Variants in OSBPL8 observed in about 807,000 individuals in gnomAD.
The protein encoded by OSBPL8 is oxysterol binding protein like 8.
In OSBPL8, 59 loss-of-function variants were observed where a neutral mutation model predicts 125.5. The observed-to-expected ratio is 0.47, with a 90% CI of 0.38 to 0.58. The LOEUF (loss-of-function observed/expected upper bound fraction) is 0.58. Ranked by LOEUF, OSBPL8 falls within the 20% of genes least tolerant of loss-of-function variation. The pLI is 0.00. For missense variants in OSBPL8, 758 were observed against 1,047.8 expected (o/e 0.72, Z 3.82); for synonymous variants, 330 against 338.9 (o/e 0.97, Z 0.29).
chr12:76,521,778 C>T (rs1199551471), intron 1 of OSBPL8, among the ~76,000 whole-genome samples: 5 of 152,064 alleles, frequency 3.3e-5, no homozygotes, highest in East Asian at 1.9e-4. Context: ...GAATGATGAT[C>T]GCCAGGGGAC....
intron 1 of OSBPL8, among the ~76,000 whole-genome samples, chr12:76,515,116 T>C (rs73138821): frequency 7.9e-4 from 120 of 152,362 alleles, no homozygotes; most frequent in Non-Finnish European, 1.5e-3. Context: ...ATGATATTCA[T>C]TCCTATCCAC....
At chr12:76,530,820 G>C (rs1340007177) in intron 1 of OSBPL8, among the ~76,000 whole-genome samples, 1 of 152,074 alleles carries the variant, frequency 6.6e-6, no homozygotes, top group Non-Finnish European at 1.5e-5. Flanking sequence ...AAGCAATAAA[G>C]GCATGAAGGC....
intron 3 of OSBPL8, among the ~76,000 whole-genome samples, chr12:76,452,888 T>C (rs1468291229): frequency 6.6e-6 from 1 of 152,174 alleles, no homozygotes; most frequent in Non-Finnish European, 1.5e-5. Flanking sequence ...CATCACATTA[T>C]TAGCTCCTCT....
chr12:76,436,501 A>C (rs555002120), intron 4 of OSBPL8, among the ~76,000 whole-genome samples: 14 of 152,002 alleles, frequency 9.2e-5, no homozygotes, highest in Non-Finnish European at 2.1e-4. Flanking sequence ...TTTTCGTCTT[A>C]ATAAGACACA....
chr12:76,486,365 T>C (rs1878132542), intron 2 of OSBPL8, among the ~76,000 whole-genome samples: 1 of 152,350 alleles, frequency 6.6e-6, no homozygotes, highest in East Asian at 1.9e-4. Context: ...AGTTGGGCTC[T>C]ACCTTATTCC....
At chr12:76,371,276 T>C (rs1043046458) in intron 19 of OSBPL8, 172 bp downstream of exon 19, 2 of 621,130 alleles carry the variant, frequency 3.2e-6, no homozygotes, top group South Asian at 6.0e-5. Context: ...AGACGATTTA[T>C]ATTATATTTG....
chr12:76,374,049 A>C (rs953084880), intron 17 of OSBPL8, among the ~76,000 whole-genome samples: 2 of 152,206 alleles, frequency 1.3e-5, no homozygotes, highest in African/African-American at 4.8e-5. Flanking sequence ...CCATACAAGG[A>C]AAATTTTGCC....
intron 12 of OSBPL8, among the ~76,000 whole-genome samples, chr12:76,389,182 T>C (rs1953451669): frequency 6.6e-6 from 1 of 152,140 alleles, no homozygotes; most frequent in African/African-American, 2.4e-5. Flanking sequence ...AAATAAGGAT[T>C]TGTTCCAAAA....
intron 4 of OSBPL8, among the ~76,000 whole-genome samples, chr12:76,446,307 A>G (rs946167394): frequency 1.3e-5 from 2 of 152,194 alleles, no homozygotes; most frequent in African/African-American, 4.8e-5. Flanking sequence ...AATCTTCACC[A>G]TGACCAAAAG....
At chr12:76,387,770 A>G (rs1450948325) in intron 12 of OSBPL8, among the ~76,000 whole-genome samples, 1 of 152,170 alleles carries the variant, frequency 6.6e-6, no homozygotes, top group East Asian at 1.9e-4. Context: ...GCTTTTCTGG[A>G]GTAACAACCC....
intron 4 of OSBPL8, among the ~76,000 whole-genome samples, chr12:76,433,146 C>T (rs1330275061): frequency 6.6e-6 from 1 of 152,152 alleles, no homozygotes; most frequent in African/African-American, 2.4e-5. Flanking sequence ...AAGCCAAAAA[C>T]ACTTTCTCTA....
chr12:76,366,989 C>T (rs867786999), intron 21 of OSBPL8, among the ~76,000 whole-genome samples: 3 of 152,120 alleles, frequency 2.0e-5, no homozygotes, highest in Non-Finnish European at 4.4e-5. Context: ...GAATGTTCCA[C>T]GTACACTTGA....
intron 1 of OSBPL8, among the ~76,000 whole-genome samples, chr12:76,525,445 A>G (rs1186826174): frequency 6.6e-6 from 1 of 152,242 alleles, no homozygotes; most frequent in Non-Finnish European, 1.5e-5. Flanking sequence ...ACTAAATGTG[A>G]GGTTAATTAC....
chr12:76,458,846 T>G (rs1297528612), intron 3 of OSBPL8, among the ~76,000 whole-genome samples: 1 of 152,218 alleles, frequency 6.6e-6, no homozygotes, highest in Non-Finnish European at 1.5e-5. Flanking sequence ...CATTTTCTCA[T>G]TCAGTTCCTT....
chr12:76,514,310 A>G (rs1881315654), intron 1 of OSBPL8, among the ~76,000 whole-genome samples: 1 of 135,608 alleles, frequency 7.4e-6, no homozygotes, highest in African/African-American at 2.6e-5. Context: ...ACGCCCAGCT[A>G]ATTTTTTTTT....
intron 4 of OSBPL8, among the ~76,000 whole-genome samples, chr12:76,419,263 T>G (rs1321173930): frequency 6.6e-6 from 1 of 151,984 alleles, no homozygotes; most frequent in East Asian, 1.9e-4. Context: ...AAAAACAAAG[T>G]GCATATATAT....
In OSBPL8 at chr12:76,389,766, A is replaced by G. The variant is rs149000523; in HGVS notation, c.1231T>C (p.Leu411=). 6.3e-6 allele frequency: 10 copies of G among 1,597,966 alleles called. No homozygotes were observed. The highest frequency in any genetic ancestry group is 3.3e-4 in the Middle Eastern group (2 of 6,026). ...EENKSLIWTL[L]KQVRPGMDLS... ...TCCATGCCAGGACGGACTTGTTTCA[A>G]TAGTGTCCAGATAAGGCTTTTGTTT... The change falls in exon 12 of 24, where the codon TTG becomes CTG. Residue 411 remains leucine, a synonymous_variant. Transcript: ENST00000261183.
At chr12:76,424,429 G>C (rs1244784425) in intron 4 of OSBPL8, among the ~76,000 whole-genome samples, 4 of 152,096 alleles carry the variant, frequency 2.6e-5, no homozygotes. Context: ...GGTTGGTTTG[G>C]TTATTATTAT....
At chr12:76,403,873 AGTGT>A (rs1954149479) in intron 5 of OSBPL8, among the ~76,000 whole-genome samples, 2 of 152,220 alleles carry the variant, frequency 1.3e-5, no homozygotes, top group South Asian at 2.1e-4. Flanking sequence ...AATGATACCC[AGTGT>A]GTATCACCCG....
Sources: allele counts gnomAD v4.1 joint callset (sites outside exome capture counted in the v4.1 genomes callset), GRCh38; gene constraint gnomAD v4.1.1; transcripts MANE v1.5; gene names NCBI Gene and HGNC (gene_info 2026-07-23, HGNC 2026-07-21).